Variants in NR4A3 observed in about 807,000 individuals in gnomAD.
NR4A3 encodes chondrosarcoma, extraskeletal myxoid, fused to EWS.
Under a neutral mutation model 55.6 loss-of-function variants are expected in NR4A3, and 13 were observed. The observed-to-expected ratio is 0.23, with a 90% CI of 0.15 to 0.37. The LOEUF (loss-of-function observed/expected upper bound fraction) is 0.37. Among genes scored for constraint, NR4A3 ranks in the 10% least tolerant of loss-of-function variants. The pLI is 1.00. For synonymous variants in NR4A3, 342 were observed against 357.9 expected (o/e 0.96, Z 0.50); for missense variants, 646 against 822.8 (o/e 0.79, Z 2.63).
At chr9:99,859,134 C>CA (rs1443155799) in intron 7 of NR4A3, among the ~76,000 whole-genome samples, 46 of 152,120 alleles carry the variant, frequency 3.0e-4, no homozygotes, top group African/African-American at 9.9e-4. Context: ...TTATATAGAT[C>CA]AAAATGCAAG....
Position 99,822,858 on chromosome 9 carries a change from G to A in NR4A3, c.-177+451G>A, listed in dbSNP as rs1827208340. ...GGATTGAAAATAGGAGCTCTGGTGGGTCCAAGTAAATGTTGCTAATGGTGG... is the reference window on the plus strand; with the variant it reads ...GGATTGAAAATAGGAGCTCTGGTGGATCCAAGTAAATGTTGCTAATGGTGG... On this transcript the variant is annotated intron_variant, in intron 1 of 7. Coordinates refer to ENST00000395097, the MANE Select transcript of NR4A3 (RefSeq NM_006981.4). The surrounding 1 kb of genome is among the most constrained non-coding windows in gnomAD (Gnocchi z 4.9). 6.6e-6 allele frequency among the ~76,000 whole-genome samples: 1 copy of A among 152,182 alleles called. No individual in the cohort carries two copies. The highest frequency in any genetic ancestry group is 1.5e-5 in the Non-Finnish European group (1 of 68,038).
At chr9:99,829,029 C>A in intron 3 of NR4A3, 36 bp downstream of exon 3, 1 of 1,306,656 alleles carries the variant, frequency 7.7e-7, no homozygotes, top group Non-Finnish European at 9.7e-7. Flanking sequence ...CCGCACCCAG[C>A]CCCCTCACTG....
At position 99,825,453 on chromosome 9, in the gene NR4A3, G is replaced by A. The variant is rs1457727141; in HGVS notation, c.-176-206G>A. 6.6e-6 allele frequency among the ~76,000 whole-genome samples: 1 copy of A among 152,124 alleles called. No homozygotes were observed. Among genetic ancestry groups the A allele is most frequent in the African/African-American group, 2.4e-5 (1 of 41,424 alleles). Reference sequence around the variant, plus strand: ...AGTGGGTTCCAACAACCTTTCCTCGGCTTCCCCGAGGCCGTGTGATGCTTC... The same window carrying A: ...AGTGGGTTCCAACAACCTTTCCTCGACTTCCCCGAGGCCGTGTGATGCTTC... On this transcript the variant is annotated intron_variant, in intron 1 of 7. Coordinates refer to ENST00000395097, the MANE Select transcript of NR4A3 (RefSeq NM_006981.4). This position sits in a 1 kb window ranked among gnomAD's most constrained non-coding sequence, Gnocchi z 5.0.
intron 7 of NR4A3, among the ~76,000 whole-genome samples, chr9:99,854,670 T>C (rs1266229123): frequency 0.019 from 109 of 5,734 alleles, no homozygotes; most frequent in Non-Finnish European, 0.027. Flanking sequence ...GAGGGCTCTG[T>C]TCTGTTCCAT....
intron 7 of NR4A3, among the ~76,000 whole-genome samples, chr9:99,856,208 C>T (rs551475241): frequency 1.2e-4 from 18 of 151,762 alleles, no homozygotes; most frequent in East Asian, 5.8e-4. Context: ...AATGTAAAAT[C>T]GGTGGGAACC....
intron 2 of NR4A3, among the ~76,000 whole-genome samples, chr9:99,827,258 ATGTGTGTG>A (rs35554489): frequency 1.1e-4 from 16 of 145,122 alleles, no homozygotes; most frequent in African/African-American, 3.9e-4. Context: ...GGATATATAT[ATGTGTGTG>A]TGTGTGTGTG....
At chr9:99,862,067 C>T (rs1041012144) in intron 7 of NR4A3, among the ~76,000 whole-genome samples, 1 of 151,744 alleles carries the variant, frequency 6.6e-6, no homozygotes, top group Non-Finnish European at 1.5e-5. Context: ...GCACTGCAGC[C>T]CAGGCAAGAG....
chr9:99,847,627 C>G lies in NR4A3; in HGVS notation c.1633+12C>G. The G allele has an allele frequency of 6.2e-7, 1 of 1,611,746 alleles. No individual in the cohort carries two copies. Among genetic ancestry groups the G allele is most frequent in the African/African-American group, 1.3e-5 (1 of 74,994 alleles). ...GAGCATGATCACAGGTAAGCACCAC[C>G]TTGCCAAAACCGCATCCTCATTTCT... On this transcript the variant is annotated intron_variant, in intron 7 of 7. Coordinates refer to ENST00000395097, the MANE Select transcript of NR4A3 (RefSeq NM_006981.4).
At position 99,828,664 on chromosome 9, in the gene NR4A3, G is replaced by C; in HGVS notation, c.622G>C (p.Gly208Arg). ...PHPPAPSPAG[G>R]HHLGYDPTAA... ...TCCCCCCGCGCCCAGCCCGGCCGGC[G>C]GCCACCACCTCGGCTACGACCCGAC... The change falls in exon 3 of 8, where the codon GGC becomes CGC. Residue 208 changes from glycine to arginine, a missense_variant. Gly to Arg is a moderately radical substitution (Grantham distance 125). Around this residue, in one of 5 missense-constraint regions of NR4A3, gnomAD observed 426 missense variants for 429.4 expected, o/e 0.99. Coordinates refer to ENST00000395097, the MANE Select transcript of NR4A3 (RefSeq NM_006981.4). The surrounding 1 kb of genome is among the most constrained non-coding windows in gnomAD (Gnocchi z 7.7). 7.1e-7 allele frequency: 1 copy of C among 1,416,732 alleles called. No individual in the cohort carries two copies. Among genetic ancestry groups the C allele is most frequent in the South Asian group, 1.5e-5 (1 of 67,800 alleles). 87.8% of individuals were successfully genotyped at this position (1,416,732 alleles called of 1,614,324 possible). A position where few individuals can be genotyped will look rare whatever the true frequency, so the allele number is the denominator to read the frequency against.
At chr9:99,826,808 GAA>G in intron 2 of NR4A3, 1 of 1,611,718 alleles carries the variant, frequency 6.2e-7, no homozygotes. Flanking sequence ...GTGGGTAAGA[GAA>G]AGATGTCAAA....
chr9:99,862,792 G>T (rs1483847106), intron 7 of NR4A3, among the ~76,000 whole-genome samples: 1 of 152,038 alleles, frequency 6.6e-6, no homozygotes, highest in Non-Finnish European at 1.5e-5. Flanking sequence ...TTAACATGGA[G>T]ATCATTTTAT....
At chr9:99,863,592 C>T (rs761021886) in intron 7 of NR4A3, 28 bp from the exon 8 acceptor site, 13 of 1,602,018 alleles carry the variant, frequency 8.1e-6, no homozygotes, top group Non-Finnish European at 9.4e-6. Context: ...GCCTCCTAAA[C>T]TTCTTGCCCT....
intron 2 of NR4A3, chr9:99,826,774 C>G (rs770497582): frequency 1.9e-6 from 3 of 1,613,794 alleles, no homozygotes; most frequent in African/African-American, 2.7e-5. Context: ...CCCATACATG[C>G]ATGACTCAAT....
intron 7 of NR4A3, among the ~76,000 whole-genome samples, chr9:99,850,686 G>T (rs545454492): frequency 6.6e-6 from 1 of 152,274 alleles, no homozygotes; most frequent in South Asian, 2.1e-4. Flanking sequence ...CGCTATTGGG[G>T]AACACATTTC....
At chr9:99,852,263 A>C (rs1322626487) in intron 7 of NR4A3, among the ~76,000 whole-genome samples, 1 of 152,214 alleles carries the variant, frequency 6.6e-6, no homozygotes, top group Non-Finnish European at 1.5e-5. Flanking sequence ...GGGTTAAAAC[A>C]ATTACAGTGG....
chr9:99,830,536 G>C (rs938829427), intron 3 of NR4A3, among the ~76,000 whole-genome samples: 2 of 152,188 alleles, frequency 1.3e-5, no homozygotes, highest in African/African-American at 4.8e-5. Flanking sequence ...ATTCTGCAGA[G>C]AAATGAGAAA....
chr9:99,856,359 T>C (rs1827927107), intron 7 of NR4A3, among the ~76,000 whole-genome samples: 1 of 151,998 alleles, frequency 6.6e-6, no homozygotes, highest in Non-Finnish European at 1.5e-5. Context: ...TTCACACTCC[T>C]ATGAGAATCT....
intron 7 of NR4A3, among the ~76,000 whole-genome samples, chr9:99,860,398 A>G (rs1049693856): frequency 1.4e-4 from 21 of 152,162 alleles, no homozygotes; most frequent in Admixed American, 3.9e-4. Context: ...ATGCTGAACC[A>G]AATGTCTCCA....
At chr9:99,852,200 T>G (rs1827860981) in intron 7 of NR4A3, among the ~76,000 whole-genome samples, 1 of 152,104 alleles carries the variant, frequency 6.6e-6, no homozygotes, top group Admixed American at 6.6e-5. Context: ...ACATTCCAGA[T>G]GAAGGAAAGA....
Sources: gnomAD v4.1 joint callset for allele counts (sites outside exome capture counted in the v4.1 genomes callset) on GRCh38, gnomAD v4.1.1 for gene constraint, gnomAD v4.1.1 regional missense constraint, Gnocchi (gnomAD v3.1) non-coding constraint, MANE v1.5 for transcripts, NCBI Gene and HGNC (gene_info 2026-07-23, HGNC 2026-07-21) for gene names.